DIPK2B: variants seen among roughly 807,000 people sequenced by gnomAD.
DIPK2B encodes the protein UPF0672 protein CXorf36.
A neutral mutation model predicts 22.2 loss-of-function variants in DIPK2B; 15 were observed. That is an observed-to-expected ratio of 0.68 (90% CI 0.45 to 1.04). DIPK2B has a LOEUF of 1.04. Among genes scored for constraint, DIPK2B ranks in the 50% least tolerant of loss-of-function variants. The pLI, the probability that DIPK2B is intolerant of heterozygous loss-of-function variation, is 0.00. For missense variants in DIPK2B, 345 were observed against 348.3 expected, an observed-to-expected ratio of 0.99 and a Z score of 0.08; for synonymous variants, 163 against 153.2, an observed-to-expected ratio of 1.06 and a Z score of -0.47.
chrX:45,151,845 A>G lies in DIPK2B; in HGVS notation c.1109T>C (p.Leu370Pro). The G allele has an allele frequency of 2.5e-6, 3 of 1,211,700 alleles. No individual in the cohort carries two copies. Among genetic ancestry groups the G allele is most frequent in the Non-Finnish European group, 3.4e-6 (3 of 895,282 alleles). Residue 370 changes from leucine (L) to proline (P), a missense_variant, in exon 5 of 5, where the codon CTC (leucine) becomes CCC (proline). Leu to Pro is a moderately conservative substitution (Grantham distance 98). Transcript: ENST00000398000. Reference sequence around the variant, plus strand: ...CACTGGGGAGGGGAACCTCCCCTGGAGAAGTCGAGGCAGCAACTTCTGACA... The same window carrying G: ...CACTGGGGAGGGGAACCTCCCCTGGGGAAGTCGAGGCAGCAACTTCTGACA... ...LVCQKLLPRL[L>P]QGRFPSPVQD...
intron 4 of DIPK2B, among the ~76,000 whole-genome samples, 168 bp from the exon 5 acceptor site, chrX:45,152,160 C>T (rs1356872377): frequency 9.0e-6 from 1 of 111,343 alleles, no homozygotes; most frequent in African/African-American, 3.3e-5. Context: ...GAGTCCGAGG[C>T]CAGCCTGGCC....
At position 45,150,583 on chromosome X, in the gene DIPK2B, G is replaced by A. The variant is rs777481948; in HGVS notation, c.*1069C>T. ...CTCAAGATCTCCTGCTCTAGGGAGC[G>A]GGGCTGACCAGGGACCCCTGCTGCT... On this transcript the variant is annotated 3_prime_UTR_variant, in exon 5 of 5. Transcript: ENST00000398000. 3.3e-3 allele frequency: 370 copies of A among 111,001 alleles called. 1 individual carries two copies. The highest frequency in any genetic ancestry group is 4.6e-3 in the Non-Finnish European group (246 of 52,979). 9.1% of individuals were successfully genotyped at this position (111,001 alleles called of 1,213,427 possible).
In DIPK2B at chrX:45,161,773, G is replaced by A. The variant is rs771725538; in HGVS notation, c.499-3885C>T. Reference sequence around the variant, plus strand: ...TAAGCTGAATGGTTGGGGGCTGTTGGTGAGAAGAAAGGAGGTGTCAGAGAT... The same window carrying A: ...TAAGCTGAATGGTTGGGGGCTGTTGATGAGAAGAAAGGAGGTGTCAGAGAT... On this transcript the variant is annotated intron_variant, in intron 2 of 4. Transcript: ENST00000398000. Among the ~76,000 whole-genome samples, 5 of 112,081 alleles carry A rather than the reference G, an allele frequency of 4.5e-5. No homozygotes were observed. In the East Asian group the frequency reaches 8.5e-4, roughly 19 times the overall value.
intron 2 of DIPK2B, among the ~76,000 whole-genome samples, chrX:45,190,864 G>A (rs776767339): frequency 3.6e-5 from 4 of 112,423 alleles, no homozygotes; most frequent in African/African-American, 1.3e-4. Flanking sequence ...AATCTCTACT[G>A]TACTGTTATT....
intron 1 of DIPK2B, among the ~76,000 whole-genome samples, chrX:45,195,373 G>A (rs888845197): frequency 9.0e-6 from 1 of 111,405 alleles, no homozygotes; most frequent in Non-Finnish European, 1.9e-5. Flanking sequence ...AAGGCCATGT[G>A]GTCCAATCCC....
chrX:45,149,312 G>A lies in DIPK2B; in HGVS notation c.*2340C>T, dbSNP rs1172503880. 2 of 112,718 alleles carry A rather than the reference G, an allele frequency of 1.8e-5. No homozygotes were observed. Among genetic ancestry groups the A allele is most frequent in the Non-Finnish European group, 3.7e-5 (2 of 53,392 alleles). 9.3% of individuals were successfully genotyped at this position (112,718 alleles called of 1,213,427 possible). The stretch of plus-strand genomic sequence containing the variant: ...CTCTGGTCAGGTGGCCAGCTGGGAG[G>A]ACAGCTGCAGTCAGGCCAGCAGGAG... On this transcript the variant is annotated 3_prime_UTR_variant, in exon 5 of 5. Coordinates refer to ENST00000398000, the MANE Select transcript of DIPK2B (RefSeq NM_176819.4).
In DIPK2B at chrX:45,151,412, G is replaced by A; in HGVS notation, c.*240C>T. On this transcript the variant is annotated 3_prime_UTR_variant, in exon 5 of 5. Coordinates refer to ENST00000398000, the MANE Select transcript of DIPK2B (RefSeq NM_176819.4). The stretch of plus-strand genomic sequence containing the variant: ...AGAACAGAGGAAACTGAGGCTCAAA[G>A]ACATTGAGTGAGCGTCCACACCCAG... 2.4e-6 allele frequency: 1 copy of A among 417,462 alleles called. No homozygotes were observed. Among genetic ancestry groups the A allele is most frequent in the Admixed American group, 4.2e-5 (1 of 23,605 alleles). The allele number at this position is 417,462 out of a possible 1,213,427, so 34.4% of individuals were successfully genotyped here. A position where few individuals can be genotyped will look rare whatever the true frequency, so the allele number is the denominator to read the frequency against.
At chrX:45,184,161 G>A (rs1393875736) in intron 2 of DIPK2B, among the ~76,000 whole-genome samples, 1 of 111,466 alleles carries the variant, frequency 9.0e-6, no homozygotes, top group Non-Finnish European at 1.9e-5. Flanking sequence ...GTTTACAATG[G>A]GGAAGCCAGG....
At chrX:45,162,246 G>C in intron 2 of DIPK2B, 1 of 334,347 alleles carries the variant, frequency 3.0e-6, no homozygotes, top group Non-Finnish European at 3.9e-6. Context: ...TGTGGAGCTT[G>C]GTGAGCCTTT....
At chrX:45,164,235 G>A (rs1490554580) in intron 2 of DIPK2B, 1 of 1,200,309 alleles carries the variant, frequency 8.3e-7, no homozygotes, top group South Asian at 1.8e-5. Flanking sequence ...GTTCTCTCTG[G>A]CCCTGGTGAC....
chrX:45,187,870 T>C (rs1383092770), intron 2 of DIPK2B, among the ~76,000 whole-genome samples: 2 of 110,967 alleles, frequency 1.8e-5, no homozygotes, highest in Non-Finnish European at 3.8e-5. Context: ...CATCTTTTTC[T>C]TCCCCTAAAC....
At chrX:45,164,042 T>C in intron 2 of DIPK2B, 1 of 1,012,007 alleles carries the variant, frequency 9.9e-7, no homozygotes, top group Non-Finnish European at 1.3e-6. Flanking sequence ...TGGTGAATTC[T>C]GGAGGGTGGC....
At chrX:45,196,064 G>T (rs1220398561) in intron 1 of DIPK2B, among the ~76,000 whole-genome samples, 2 of 112,508 alleles carry the variant, frequency 1.8e-5, no homozygotes, top group African/African-American at 3.2e-5. Context: ...CTAATAGAAA[G>T]TAAACTCCTT....
At chrX:45,162,744 C>G (rs770831852) in intron 2 of DIPK2B, 2 of 752,953 alleles carry the variant, frequency 2.7e-6, no homozygotes, top group Admixed American at 1.8e-4. Context: ...CCCTGGACCT[C>G]TGTTGCCCCT....
At chrX:45,167,120 C>T (rs1247415294) in intron 2 of DIPK2B, among the ~76,000 whole-genome samples, 3 of 112,278 alleles carry the variant, frequency 2.7e-5, no homozygotes, top group Non-Finnish European at 5.6e-5. Flanking sequence ...GATAATTAAA[C>T]CAAAAGTTAC....
intron 1 of DIPK2B, among the ~76,000 whole-genome samples, chrX:45,195,873 C>A (rs1271169602): frequency 8.9e-6 from 1 of 112,299 alleles, no homozygotes; most frequent in Admixed American, 9.5e-5. Flanking sequence ...GTTTCTTCCT[C>A]TTTCTTGTCT....
At chrX:45,160,544 A>G (rs995913577) in intron 2 of DIPK2B, among the ~76,000 whole-genome samples, 36 of 111,832 alleles carry the variant, frequency 3.2e-4, no homozygotes, top group African/African-American at 1.2e-3. Flanking sequence ...TACAGACCCT[A>G]AAAGATTTCT....
intron 2 of DIPK2B, among the ~76,000 whole-genome samples, chrX:45,185,060 T>C (rs1456573499): frequency 3.6e-5 from 4 of 112,460 alleles, no homozygotes; most frequent in African/African-American, 1.3e-4. Context: ...ACAATCACGG[T>C]AGCACAATCA....
intron 2 of DIPK2B, among the ~76,000 whole-genome samples, chrX:45,173,580 TTTTC>T (rs1384641621): frequency 3.7e-5 from 4 of 108,781 alleles, no homozygotes; most frequent in African/African-American, 1.3e-4. Flanking sequence ...CTTTCTTTCT[TTTTC>T]TCTTTCTTTC....
Sources: allele counts gnomAD v4.1 joint callset (sites outside exome capture counted in the v4.1 genomes callset), GRCh38; gene constraint gnomAD v4.1.1; transcripts MANE v1.5; gene names NCBI Gene and HGNC (gene_info 2026-07-23, HGNC 2026-07-21).